Variants in ERCC6L2 observed in about 807,000 individuals in gnomAD.
ERCC6L2 encodes ERCC excision repair 6 like 2, also known as DNA excision repair protein ERCC-6-like 2.
Under a neutral mutation model 132.0 loss-of-function variants are expected in ERCC6L2, and 77 were observed. That is an observed-to-expected ratio of 0.58 (90% CI 0.49 to 0.71). The LOEUF (loss-of-function observed/expected upper bound fraction) is 0.71. ERCC6L2 is among the 30% of genes least tolerant of loss of function. ERCC6L2 has a pLI of 0.00. For synonymous variants in ERCC6L2, 583 were observed against 632.4 expected, an observed-to-expected ratio of 0.92 and a Z score of 1.17; for missense variants, 1,542 against 1,837.6, an observed-to-expected ratio of 0.84 and a Z score of 2.94.
At position 95,966,676 on chromosome 9, in the gene ERCC6L2, A is replaced by G. The variant is rs754257865; in HGVS notation, c.2062A>G (p.Arg688Gly). 33 of 1,515,388 alleles carry G rather than the reference A, an allele frequency of 2.2e-5. No individual in the cohort carries two copies. Among genetic ancestry groups the G allele is most frequent in the Non-Finnish European group, 2.8e-5 (31 of 1,112,926 alleles). 93.9% of individuals were successfully genotyped at this position (1,515,388 alleles called of 1,614,324 possible). Residue 688 changes from arginine (R) to glycine (G), a missense_variant, in exon 14 of 19, where the codon AGG becomes GGG. By Grantham distance (125) the Arg-to-Gly change is moderately radical (BLOSUM62 -2). This residue lies in a region of ERCC6L2 where 945 missense variants were observed against 1,105.2 expected (regional missense o/e 0.86). Transcript: ENST00000653738. ...LFGIHNLFKF[R>G]SQGSCLTKDI... ...TGGGATCCATAACCTCTTCAAATTT[A>G]GGTCCCAAGGGTCTTGTCTTACGAA...
At chr9:96,025,696 CT>C (rs1564310832) in intron 19 of ERCC6L2, 1 of 152,176 alleles carries the variant, frequency 6.6e-6, no homozygotes, top group Non-Finnish European at 1.5e-5. Flanking sequence ...CATTGTTGAA[CT>C]TTTTCATTTT....
At chr9:96,020,773 T>A (rs1484227888), downstream of ERCC6L2, 1 of 456,122 alleles carries the variant, frequency 2.2e-6, no homozygotes, top group South Asian at 1.5e-5. Flanking sequence ...GGATGGGGAG[T>A]GGACGGGCCT....
chr9:95,950,547 G>A (rs1168858814), intron 12 of ERCC6L2, among the ~76,000 whole-genome samples: 3 of 152,082 alleles, frequency 2.0e-5, no homozygotes, highest in Admixed American at 6.6e-5. Flanking sequence ...ATGTAGATTG[G>A]CAGAACAGAT....
intron 17 of ERCC6L2, among the ~76,000 whole-genome samples, chr9:95,989,922 G>A (rs1833232931): frequency 6.6e-6 from 1 of 152,180 alleles, no homozygotes; most frequent in Non-Finnish European, 1.5e-5. Flanking sequence ...AAGAAGCCGG[G>A]TTCTGAGGAA....
In ERCC6L2 at chr9:95,876,081, A is replaced by G. The variant is rs780904686; in HGVS notation, c.43A>G (p.Lys15Glu). The G allele has an allele frequency of 6.3e-7, 1 of 1,577,790 alleles. No homozygotes were observed. Residue 15 changes from lysine (K) to glutamate (E), a missense_variant, in exon 1 of 19, where the codon AAA becomes GAA. Around this residue, in one of 4 missense-constraint regions of ERCC6L2, gnomAD observed 153 missense variants for 132.3 expected, o/e 1.16. Coordinates refer to ENST00000653738, the MANE Select transcript of ERCC6L2 (RefSeq NM_020207.7). ...ACAGCCCCGCGCGGAAACCTCAGGCAAAGGTACCAGCTCCGCGCTCGCCCC... is the reference window on the plus strand; with the variant it reads ...ACAGCCCCGCGCGGAAACCTCAGGCGAAGGTACCAGCTCCGCGCTCGCCCC... ...APQPRAETSG[K>E]DIWHPGERCL...
Position 95,916,178 on chromosome 9 carries a change from T to C in ERCC6L2, c.951-49T>C, listed in dbSNP as rs749185152. ...ATATCTCTTAGAAGCAAGAAGTTAG[T>C]GTTTTTAGATAATAAAGCCCTTACA... On this transcript the variant is annotated intron_variant, in intron 5 of 18. Transcript: ENST00000653738. 6.6e-6 allele frequency: 10 copies of C among 1,515,798 alleles called. No homozygotes were observed. The Admixed American group carries it at 6.9e-5, about 10-fold the overall frequency. 93.9% of individuals were successfully genotyped at this position (1,515,798 alleles called of 1,614,324 possible). A position where few individuals can be genotyped will look rare whatever the true frequency, so the allele number is the denominator to read the frequency against.
chr9:96,032,440 T>G (rs2133267825), intron 19 of ERCC6L2, among the ~76,000 whole-genome samples: 1 of 152,286 alleles, frequency 6.6e-6, no homozygotes, highest in East Asian at 1.9e-4. Flanking sequence ...TCTTAGGAAC[T>G]CGGCATGAAT....
At chr9:96,036,509 T>C (rs1008253060) in intron 19 of ERCC6L2, among the ~76,000 whole-genome samples, 1 of 152,198 alleles carries the variant, frequency 6.6e-6, no homozygotes, top group Non-Finnish European at 1.5e-5. Flanking sequence ...AAGCGCCTGC[T>C]TGCCATGCCT....
intron 12 of ERCC6L2, among the ~76,000 whole-genome samples, chr9:95,953,737 A>G (rs898041782): frequency 6.6e-6 from 1 of 152,100 alleles, no homozygotes; most frequent in Non-Finnish European, 1.5e-5. Flanking sequence ...TATACACATT[A>G]TTACATTATT....
chr9:95,939,348 G>A (rs1830696351), intron 11 of ERCC6L2, among the ~76,000 whole-genome samples: 1 of 151,238 alleles, frequency 6.6e-6, no homozygotes, highest in South Asian at 2.1e-4. Flanking sequence ...GCTGGTAACA[G>A]GTGCTCTTAG....
At chr9:96,029,487 T>C (rs1834427564) in intron 19 of ERCC6L2, among the ~76,000 whole-genome samples, 1 of 152,120 alleles carries the variant, frequency 6.6e-6, no homozygotes, top group Non-Finnish European at 1.5e-5. Flanking sequence ...TGAACATTCA[T>C]GAGCTCTAAC....
At position 95,907,291 on chromosome 9, in the gene ERCC6L2, T is replaced by C; in HGVS notation, c.788+20T>C. 1 of 1,550,714 alleles carries C rather than the reference T, an allele frequency of 6.4e-7. No individual in the cohort carries two copies. The highest frequency in any genetic ancestry group is 1.2e-5 in the South Asian group (1 of 84,236). On this transcript the variant is annotated intron_variant, in intron 4 of 18. Transcript: ENST00000653738. ...TAACAGGTAATGGGAATAATAGGAA[T>C]AGGAATGATTGTATTAATAGTCTAC...
chr9:96,027,091 C>G (rs1455153028), intron 19 of ERCC6L2, among the ~76,000 whole-genome samples: 1 of 143,344 alleles, frequency 7.0e-6, no homozygotes, highest in Non-Finnish European at 1.5e-5. Flanking sequence ...CACACACATA[C>G]CCACCACCCC....
chr9:95,909,433 T>A (rs893941873), intron 4 of ERCC6L2, among the ~76,000 whole-genome samples: 4 of 152,170 alleles, frequency 2.6e-5, no homozygotes, highest in African/African-American at 9.7e-5. Context: ...TCCCAGGACT[T>A]TTCTTTTACC....
rs1052638768 is a variant in ERCC6L2, at chr9:95,966,308, G to A, written c.1948-254G>A. On this transcript the variant is annotated intron_variant, in intron 13 of 18. Coordinates refer to ENST00000653738, the MANE Select transcript of ERCC6L2 (RefSeq NM_020207.7). ...TTATGTCAGGTGGATATTCTATAGA[G>A]ATGTAATCTTGACTCAGTTGTTAGA... Among the ~76,000 whole-genome samples, 3 of 152,264 alleles carry A rather than the reference G, an allele frequency of 2.0e-5. No homozygotes were observed. In the South Asian group the frequency reaches 6.2e-4, roughly 32 times the overall value.
intron 5 of ERCC6L2, 31 bp from the exon 6 acceptor site, chr9:95,916,196 C>T (rs2132708556): frequency 6.3e-7 from 1 of 1,577,436 alleles, no homozygotes; most frequent in Non-Finnish European, 8.7e-7. Flanking sequence ...GATAATAAAG[C>T]CCTTACATTT....
chr9:95,880,871 A>T lies in ERCC6L2; in HGVS notation c.49A>T (p.Ile17Leu). The change falls in exon 2 of 19, where the codon ATA (isoleucine) becomes TTA (leucine). Residue 17 changes from isoleucine (I) to leucine (L), a missense_variant and splice_region_variant. By Grantham distance (5) the Ile-to-Leu change is conservative. Coordinates refer to ENST00000653738, the MANE Select transcript of ERCC6L2 (RefSeq NM_020207.7). ...CTTTATTTTCTTTATTCTTGCAGACATATGGCATCCAGGAGAAAGATGTCT... is the reference window on the plus strand; with the variant it reads ...CTTTATTTTCTTTATTCTTGCAGACTTATGGCATCCAGGAGAAAGATGTCT... ...QPRAETSGKD[I>L]WHPGERCLAP... is the part of the protein sequence containing the mutation. 6.2e-7 allele frequency: 1 copy of T among 1,604,122 alleles called. No homozygotes were observed. The highest frequency in any genetic ancestry group is 1.1e-5 in the South Asian group (1 of 89,656).
chr9:95,943,697 A>G (rs985890567), intron 12 of ERCC6L2, among the ~76,000 whole-genome samples: 7 of 152,198 alleles, frequency 4.6e-5, no homozygotes, highest in Admixed American at 1.3e-4. Context: ...TGCATAGGAC[A>G]TTTCTCCAAA....
At chr9:95,996,170 G>A (rs1263821920) in intron 17 of ERCC6L2, among the ~76,000 whole-genome samples, 1 of 152,210 alleles carries the variant, frequency 6.6e-6, no homozygotes, top group African/African-American at 2.4e-5. Flanking sequence ...ATAAGAAAGT[G>A]AAACAGCCTT....
Sources: allele counts gnomAD v4.1 joint callset (sites outside exome capture counted in the v4.1 genomes callset), GRCh38; gene constraint gnomAD v4.1.1; regional missense constraint gnomAD v4.1.1; transcripts MANE v1.5; gene names NCBI Gene and HGNC (gene_info 2026-07-23, HGNC 2026-07-21).